Variants in FBXL5 observed in about 807,000 individuals in gnomAD.
FBXL5 encodes F-box/LRR-repeat protein 5.
Under a neutral mutation model 78.3 loss-of-function variants are expected in FBXL5, and 26 were observed. That is an observed-to-expected ratio of 0.33 (90% CI 0.24 to 0.46). FBXL5 has a LOEUF of 0.46. FBXL5 is among the 20% of genes least tolerant of loss of function. The probability of loss-of-function intolerance (pLI) is 1.00; values close to 1 mark genes in which losing one functional copy is unlikely to be tolerated. For missense variants in FBXL5, 710 were observed against 829.2 expected, an observed-to-expected ratio of 0.86 and a Z score of 1.77; for synonymous variants, 295 against 282.5, an observed-to-expected ratio of 1.04 and a Z score of -0.45.
At chr4:15,666,220 T>G (rs866821642) in intron 1 of FBXL5, among the ~76,000 whole-genome samples, 18 of 152,086 alleles carry the variant, frequency 1.2e-4, no homozygotes, top group South Asian at 6.2e-4. Flanking sequence ...GCAACATAAG[T>G]AGACTCCACC....
At chr4:15,653,573 CCA>C (rs1222569403) in intron 1 of FBXL5, among the ~76,000 whole-genome samples, 5 of 152,160 alleles carry the variant, frequency 3.3e-5, no homozygotes, top group South Asian at 2.1e-4. Context: ...GGCTACCTCT[CCA>C]CAGTCTAAAG....
At chr4:15,635,529 G>T (rs1312227971) in intron 5 of FBXL5, among the ~76,000 whole-genome samples, 1 of 151,912 alleles carries the variant, frequency 6.6e-6, no homozygotes. Context: ...CAAGGCAGGT[G>T]GATCACCAGA....
At chr4:15,639,874 A>G (rs1714663321) in intron 3 of FBXL5, among the ~76,000 whole-genome samples, 1 of 152,226 alleles carries the variant, frequency 6.6e-6, no homozygotes, top group Non-Finnish European at 1.5e-5. Context: ...AATCACTACA[A>G]TAACTGATTT....
In FBXL5 at chr4:15,634,894, C is replaced by T. The variant is rs143756252; in HGVS notation, c.766+1600G>A. Among the ~76,000 whole-genome samples, 20 of 152,066 alleles carry T rather than the reference C, an allele frequency of 1.3e-4. No individual in the cohort carries two copies. In the East Asian group the frequency reaches 3.9e-3, roughly 29 times the overall value. On this transcript the variant is annotated intron_variant, in intron 5 of 10. Transcript: ENST00000341285. ...AAGCCAGAAAAAATATTTTCTGCAT[C>T]CATGTTTGCCTTTTTACTAAATATT...
chr4:15,668,140 T>A (rs554329677), intron 1 of FBXL5, among the ~76,000 whole-genome samples: 11 of 152,018 alleles, frequency 7.2e-5, no homozygotes, highest in Admixed American at 5.9e-4. Context: ...ATTCAATTAT[T>A]TGTGACTTAA....
chr4:15,655,080 C>G (rs1440918334), intron 1 of FBXL5, 124 bp downstream of exon 1: 4 of 666,596 alleles, frequency 6.0e-6, no homozygotes, highest in Non-Finnish European at 8.1e-6. Context: ...GCTGCGCAGG[C>G]GGCTACTCGC....
At chr4:15,643,109 AAAAAGT>A (rs1479082950) in intron 2 of FBXL5, among the ~76,000 whole-genome samples, 2 of 152,240 alleles carry the variant, frequency 1.3e-5, no homozygotes, top group African/African-American at 4.8e-5. Context: ...ATATTCAATA[AAAAAGT>A]AAATCTCCCT....
upstream of FBXL5, among the ~76,000 whole-genome samples, chr4:15,658,768 C>A (rs1717149836): frequency 6.6e-6 from 1 of 152,150 alleles, no homozygotes; most frequent in South Asian, 2.1e-4. Flanking sequence ...CAGGCACATA[C>A]AGGATGATGT....
At chr4:15,648,119 G>A (rs1715559559) in intron 1 of FBXL5, among the ~76,000 whole-genome samples, 1 of 152,160 alleles carries the variant, frequency 6.6e-6, no homozygotes, top group Non-Finnish European at 1.5e-5. Flanking sequence ...AGCATCCTGA[G>A]TTGCTGAGAT....
intron 10 of FBXL5, among the ~76,000 whole-genome samples, chr4:15,607,245 A>G (rs944938698): frequency 6.6e-6 from 1 of 152,212 alleles, no homozygotes; most frequent in African/African-American, 2.4e-5. Flanking sequence ...AGCTGATGGT[A>G]CATGAGGATT....
intron 10 of FBXL5, 59 bp downstream of exon 10, chr4:15,612,207 T>A: frequency 3.0e-6 from 4 of 1,353,730 alleles, no homozygotes; most frequent in Non-Finnish European, 3.9e-6. Context: ...TTATTAGAAC[T>A]GCTAAAAAAA....
Position 15,630,727 on chromosome 4 carries a change from A to G in FBXL5, c.831T>C (p.Asn277=), listed in dbSNP as rs1319505380. 1.2e-6 allele frequency: 2 copies of G among 1,609,016 alleles called. No individual in the cohort carries two copies. Among genetic ancestry groups the G allele is most frequent in the Non-Finnish European group, 1.7e-6 (2 of 1,178,756 alleles). ...DTEPDDEWVK[N]RKDESRAFHE... Reference sequence around the variant, plus strand: ...GAAAAGCACGACTTTCATCTTTCCTATTTTTCACCCATTCATCATCAGGTT... The same window carrying G: ...GAAAAGCACGACTTTCATCTTTCCTGTTTTTCACCCATTCATCATCAGGTT... Residue 277 remains asparagine, a synonymous_variant, in exon 6 of 11, where the codon AAT becomes AAC. Transcript: ENST00000341285.
intron 1 of FBXL5, among the ~76,000 whole-genome samples, chr4:15,666,519 G>C (rs1717552161): frequency 6.6e-6 from 1 of 152,056 alleles, no homozygotes; most frequent in Non-Finnish European, 1.5e-5. Flanking sequence ...GTGGGAATGA[G>C]TTGTTGATCA....
chr4:15,616,036 G>A (rs1711826918), intron 9 of FBXL5, among the ~76,000 whole-genome samples: 2 of 151,556 alleles, frequency 1.3e-5, no homozygotes, highest in South Asian at 4.2e-4. Context: ...CGAGGCCACC[G>A]GGAGGAATGA....
Position 15,640,878 on chromosome 4 carries a change from T to C in FBXL5, c.306A>G (p.Glu102=), listed in dbSNP as rs1714791628. 2.0e-6 allele frequency: 3 copies of C among 1,476,702 alleles called. No homozygotes were observed. In the East Asian group the frequency reaches 7.8e-5, roughly 38 times the overall value. The allele number at this position is 1,476,702 out of a possible 1,614,324, so 91.5% of individuals were successfully genotyped here. The change falls in exon 3 of 11, where the codon GAA becomes GAG. Residue 102 remains glutamate, a synonymous_variant. Coordinates refer to ENST00000341285, the MANE Select transcript of FBXL5 (RefSeq NM_012161.4). ...GTTTTGCATAATTTAACTGTTCATA[T>C]TCATTCTGGAAACCAAAAAAAAAAT... The part of the protein sequence containing the change: ...FEKGLKNVKN[E]YEQLNYAKQL...
chr4:15,653,371 A>G (rs1038533761), intron 1 of FBXL5, among the ~76,000 whole-genome samples: 6 of 152,218 alleles, frequency 3.9e-5, no homozygotes, highest in Non-Finnish European at 7.4e-5. Flanking sequence ...ACCACCAGGA[A>G]GAGACAGAAA....
chr4:15,674,899 T>C (rs1717925456), intron 1 of FBXL5, among the ~76,000 whole-genome samples: 1 of 152,182 alleles, frequency 6.6e-6, no homozygotes, highest in South Asian at 2.1e-4. Context: ...TCCGTCTGCC[T>C]CGGCCTCCCA....
intron 9 of FBXL5, among the ~76,000 whole-genome samples, chr4:15,614,955 C>A (rs140838888): frequency 8.5e-5 from 13 of 152,246 alleles, no homozygotes; most frequent in Non-Finnish European, 1.8e-4. Context: ...GCGGCGCTTG[C>A]GGGCCAGCTG....
rs781284522 is a variant in FBXL5, at chr4:15,638,529, C to A, written c.562G>T (p.Val188Leu). The A allele has an allele frequency of 1.0e-5, 16 of 1,594,100 alleles. No individual in the cohort carries two copies. In the Middle Eastern group the frequency reaches 2.4e-3, roughly 234 times the overall value. Residue 188 changes from valine to leucine, a missense_variant, in exon 4 of 11, where the codon GTG becomes TTG. Coordinates refer to ENST00000341285, the MANE Select transcript of FBXL5 (RefSeq NM_012161.4). ...TCACCTTTATCTGACTTTTCATCCACGGAATATTTAAAAAACTTCTGTCGC... is the reference window on the plus strand; with the variant it reads ...TCACCTTTATCTGACTTTTCATCCAAGGAATATTTAAAAAACTTCTGTCGC... ...EERQKFFKYS[V>L]DEKSDKEAEV... is the part of the protein sequence containing the mutation.
Sources: allele counts gnomAD v4.1 joint callset (sites outside exome capture counted in the v4.1 genomes callset), GRCh38; gene constraint gnomAD v4.1.1; transcripts MANE v1.5; gene names NCBI Gene and HGNC (gene_info 2026-07-23, HGNC 2026-07-21).